The following TASP1 variants were observed in gnomAD, a reference collection of about 807,000 sequenced individuals.
TASP1 encodes taspase 1.
In TASP1, 16 loss-of-function variants were observed where a neutral mutation model predicts 56.6. That is an observed-to-expected ratio of 0.28 (90% CI 0.19 to 0.43). The LOEUF (loss-of-function observed/expected upper bound fraction) is 0.43, where lower values mean the gene tolerates loss of function less well. Among genes scored for constraint, TASP1 ranks in the 20% least tolerant of loss-of-function variants. The pLI is 1.00. For synonymous variants in TASP1, 179 were observed against 184.2 expected (o/e 0.97, Z 0.23); for missense variants, 393 against 511.6 (o/e 0.77, Z 2.24).
chr20:13,303,650 T>C, the TASP1 span, among the ~76,000 whole-genome samples: 1 of 152,226 alleles, frequency 6.6e-6, no homozygotes, highest in Non-Finnish European at 1.5e-5. Flanking sequence ...CAATCCTGAC[T>C]CTCTCACTTG....
intron 4 of TASP1, among the ~76,000 whole-genome samples, chr20:13,614,009 C>G (rs969229882): frequency 6.6e-6 from 1 of 152,112 alleles, no homozygotes; most frequent in Admixed American, 6.5e-5. Flanking sequence ...TTCTCCCTAT[C>G]TCAGGACATA....
At chr20:13,328,731 C>T in the TASP1 span, among the ~76,000 whole-genome samples, 2 of 144,046 alleles carry the variant, frequency 1.4e-5, no homozygotes, top group Non-Finnish European at 3.0e-5. Flanking sequence ...CATGTGTTCT[C>T]ACTTATAAGT....
At chr20:13,464,497 C>T (rs1048820455) in intron 11 of TASP1, among the ~76,000 whole-genome samples, 1 of 152,138 alleles carries the variant, frequency 6.6e-6, no homozygotes, top group African/African-American at 2.4e-5. Context: ...ATATAAGGAA[C>T]AACCCAAATG....
At chr20:13,280,989 G>C in the TASP1 span, among the ~76,000 whole-genome samples, 6 of 152,172 alleles carry the variant, frequency 3.9e-5, no homozygotes, top group Non-Finnish European at 7.3e-5. Flanking sequence ...TACACCATTT[G>C]CATGCTAACC....
intron 11 of TASP1, among the ~76,000 whole-genome samples, chr20:13,446,580 G>C (rs1486154233): frequency 6.6e-6 from 1 of 152,070 alleles, no homozygotes; most frequent in Non-Finnish European, 1.5e-5. Context: ...GTACCATCAA[G>C]AGTTCCTTGT....
chr20:13,512,986 G>A (rs1208437917), intron 10 of TASP1, among the ~76,000 whole-genome samples: 1 of 152,186 alleles, frequency 6.6e-6, no homozygotes. Flanking sequence ...CCAGTACCAT[G>A]CTGTTTTGGT....
At chr20:13,355,510 T>C in the TASP1 span, among the ~76,000 whole-genome samples, 1 of 152,224 alleles carries the variant, frequency 6.6e-6, no homozygotes, top group Non-Finnish European at 1.5e-5. Flanking sequence ...ATACTAAATC[T>C]TTGTTCCATG....
chr20:13,285,145 G>T, the TASP1 span, among the ~76,000 whole-genome samples: 233 of 152,152 alleles, frequency 1.5e-3, 3 homozygotes, highest in East Asian at 0.031. Flanking sequence ...GAAAACTTTG[G>T]CCAGGCATGT....
intron 1 of TASP1, among the ~76,000 whole-genome samples, chr20:13,635,286 T>C (rs1288743360): frequency 1.3e-5 from 2 of 152,150 alleles, no homozygotes; most frequent in East Asian, 1.9e-4. Flanking sequence ...AACCTTTGAT[T>C]CTCTTGATCA....
the TASP1 span, among the ~76,000 whole-genome samples, chr20:13,251,484 G>A: frequency 1.3e-5 from 2 of 151,882 alleles, no homozygotes; most frequent in African/African-American, 2.4e-5. Flanking sequence ...CTTTGCAGGG[G>A]AAGGCAGAAT....
chr20:13,355,223 T>G, the TASP1 span, among the ~76,000 whole-genome samples: 1 of 152,160 alleles, frequency 6.6e-6, no homozygotes, highest in East Asian at 1.9e-4. Flanking sequence ...CCCTTGCTAC[T>G]ATGGGGCATT....
chr20:13,430,823 G>C (rs762028839), intron 12 of TASP1, among the ~76,000 whole-genome samples: 1 of 152,182 alleles, frequency 6.6e-6, no homozygotes, highest in African/African-American at 2.4e-5. Context: ...TTCTATTCAT[G>C]AATCAGTAGA....
intron 13 of TASP1, among the ~76,000 whole-genome samples, chr20:13,410,600 C>T (rs77135257): frequency 7.9e-5 from 12 of 152,124 alleles, no homozygotes; most frequent in Admixed American, 7.9e-4. Flanking sequence ...CATTTTGTCA[C>T]ATGTCTGTTG....
intron 10 of TASP1, among the ~76,000 whole-genome samples, chr20:13,502,251 T>C (rs2043973293): frequency 6.6e-6 from 1 of 152,116 alleles, no homozygotes. Context: ...CTTTACTTTA[T>C]GAACTATTCC....
At chr20:13,148,862 C>T in the TASP1 span, among the ~76,000 whole-genome samples, 3 of 152,320 alleles carry the variant, frequency 2.0e-5, no homozygotes, top group East Asian at 5.8e-4. Context: ...AACTATTGCC[C>T]AGCAGAAAAT....
intron 10 of TASP1, among the ~76,000 whole-genome samples, chr20:13,502,293 G>A (rs559810764): frequency 2.0e-4 from 31 of 152,030 alleles, no homozygotes; most frequent in Non-Finnish European, 4.0e-4. Context: ...GCAAAAGGTC[G>A]TCTTTTTAGA....
rs146126217 is a variant in TASP1, at chr20:13,418,905, G to A, written c.1097-1384C>T. The stretch of plus-strand genomic sequence containing the variant: ...CAACACTCTACTAAATAACTGGTTT[G>A]AACTCTTCAAAAATGCCAAAGTCAG... On this transcript the variant is annotated intron_variant, in intron 12 of 13. Coordinates refer to ENST00000337743, the MANE Select transcript of TASP1 (RefSeq NM_017714.3). Among the ~76,000 whole-genome samples the A allele has an allele frequency of 4.3e-3, 656 of 152,290 alleles. 1 individual carries two copies. Among genetic ancestry groups the A allele is most frequent in the Middle Eastern group, 0.017 (5 of 294 alleles).
chr20:13,629,036 T>C (rs1319759807), intron 2 of TASP1, among the ~76,000 whole-genome samples: 2 of 152,170 alleles, frequency 1.3e-5, no homozygotes, highest in Admixed American at 6.5e-5. Flanking sequence ...CTTAAGTCAC[T>C]TAATCTCTCT....
intron 10 of TASP1, among the ~76,000 whole-genome samples, chr20:13,524,907 G>A: frequency 6.6e-6 from 1 of 152,156 alleles, no homozygotes; most frequent in Non-Finnish European, 1.5e-5. Flanking sequence ...AAGGATTACG[G>A]TGTGATACAG....
Sources: gnomAD v4.1 joint callset for allele counts (sites outside exome capture counted in the v4.1 genomes callset) on GRCh38, gnomAD v4.1.1 for gene constraint, MANE v1.5 for transcripts, NCBI Gene and HGNC (gene_info 2026-07-23, HGNC 2026-07-21) for gene names.